Variants in DMC1 observed in about 807,000 individuals in gnomAD.
DMC1 encodes DNA meiotic recombinase 1.
In DMC1, 27 loss-of-function variants were observed where a neutral mutation model predicts 50.1. The ratio of observed to expected loss-of-function variants is 0.54; its 90% CI spans 0.40 to 0.74. DMC1 has a LOEUF of 0.74. Among genes scored for constraint, DMC1 ranks in the 30% least tolerant of loss-of-function variants. The pLI is 0.00. For missense variants in DMC1, 295 were observed against 420.2 expected (o/e 0.70, Z 2.60); for synonymous variants, 148 against 136.1 (o/e 1.09, Z -0.61).
At chr22:38,565,185 G>C (rs1386920178) in intron 4 of DMC1, among the ~76,000 whole-genome samples, 1 of 152,184 alleles carries the variant, frequency 6.6e-6, no homozygotes, top group African/African-American at 2.4e-5. Context: ...AAGGTATATA[G>C]GCTTTTGTCT....
chr22:38,509,362 T>C, the DMC1 span, among the ~76,000 whole-genome samples: 1 of 152,180 alleles, frequency 6.6e-6, no homozygotes. Flanking sequence ...CCCCGCTCCA[T>C]GTGTCCGTGT....
chr22:38,544,130 ACTACT>A (rs1360350029), intron 8 of DMC1, among the ~76,000 whole-genome samples: 2 of 152,288 alleles, frequency 1.3e-5, no homozygotes, highest in East Asian at 1.9e-4. Context: ...AAAAGTTCAA[ACTACT>A]CTATAGGAAA....
At chr22:38,554,171 C>A (rs1313850042) in intron 6 of DMC1, among the ~76,000 whole-genome samples, 1 of 151,780 alleles carries the variant, frequency 6.6e-6, no homozygotes, top group Non-Finnish European at 1.5e-5. Flanking sequence ...AAAGACCCCA[C>A]CACAGGAAAG....
chr22:38,523,633 G>T (rs1267366341), intron 12 of DMC1, among the ~76,000 whole-genome samples: 1 of 152,136 alleles, frequency 6.6e-6, no homozygotes, highest in Non-Finnish European at 1.5e-5. Flanking sequence ...CACACAGTGG[G>T]TGTTCAAAAT....
chr22:38,556,579 C>A (rs1280829160), intron 5 of DMC1, among the ~76,000 whole-genome samples: 2 of 152,128 alleles, frequency 1.3e-5, no homozygotes. Flanking sequence ...TGACAGCATA[C>A]ATTTAATTGG....
chr22:38,545,684 G>A (rs988918908), intron 8 of DMC1: 2 of 152,190 alleles, frequency 1.3e-5, no homozygotes, highest in Non-Finnish European at 2.9e-5. Flanking sequence ...GCCTCCCAAA[G>A]TGCTAGGATT....
chr22:38,539,527 G>A (rs1047528113), intron 8 of DMC1, 115 bp from the exon 9 acceptor site: 3 of 825,596 alleles, frequency 3.6e-6, no homozygotes, highest in Non-Finnish European at 6.1e-6. Flanking sequence ...ATGTACCTGT[G>A]AAGGTATTCT....
chr22:38,568,273 C>T lies in DMC1; in HGVS notation c.-17G>A, dbSNP rs772254335. 7 of 1,613,614 alleles carry T rather than the reference C, an allele frequency of 4.3e-6. No individual in the cohort carries two copies. The highest frequency in any genetic ancestry group is 2.2e-5 in the East Asian group (1 of 44,864). On this transcript the variant is annotated 5_prime_UTR_variant, in exon 2 of 14. Transcript: ENST00000216024. ...CTCCTTCATATTGAAAAGTGGGCAA[C>T]AGAAAAATAATCACTTCTGGGAAAA...
chr22:38,510,040 C>T, the DMC1 span, among the ~76,000 whole-genome samples: 1 of 152,152 alleles, frequency 6.6e-6, no homozygotes, highest in African/African-American at 2.4e-5. Flanking sequence ...TGATGAAACC[C>T]CGTCTCTCCT....
At chr22:38,530,252 C>T (rs951948873) in intron 12 of DMC1, among the ~76,000 whole-genome samples, 1 of 151,838 alleles carries the variant, frequency 6.6e-6, no homozygotes, top group African/African-American at 2.4e-5. Context: ...CAGTTGTGAG[C>T]CATGCCTGGC....
chr22:38,521,574 C>A (rs749431220), intron 13 of DMC1, 34 bp downstream of exon 13: 2 of 1,265,558 alleles, frequency 1.6e-6, no homozygotes, highest in South Asian at 2.4e-5. Context: ...CACACACACA[C>A]ACACACACAC....
At chr22:38,566,461 T>C (rs1602780787) in intron 4 of DMC1, 129 bp downstream of exon 4, 7 of 964,704 alleles carry the variant, frequency 7.3e-6, no homozygotes, top group East Asian at 2.6e-5. Flanking sequence ...AAAGTTAACA[T>C]GGGGAGTATA....
chr22:38,554,856 T>C (rs1397342112), intron 6 of DMC1, among the ~76,000 whole-genome samples: 3 of 151,572 alleles, frequency 2.0e-5, no homozygotes, highest in Non-Finnish European at 2.9e-5. Flanking sequence ...TCCCAGCACT[T>C]TGGAAGGCCG....
chr22:38,516,489 C>T (rs1467118458), downstream of DMC1, among the ~76,000 whole-genome samples: 1 of 152,162 alleles, frequency 6.6e-6, no homozygotes, highest in Non-Finnish European at 1.5e-5. Context: ...CAAATTGGTC[C>T]ACCCCCTCTC....
intron 4 of DMC1, among the ~76,000 whole-genome samples, chr22:38,564,516 G>GC (rs2090561571): frequency 6.6e-6 from 1 of 151,730 alleles, no homozygotes; most frequent in African/African-American, 2.4e-5. Flanking sequence ...CACTATGTTG[G>GC]CCACTATGTT....
chr22:38,544,908 A>G (rs2090327460), intron 8 of DMC1, among the ~76,000 whole-genome samples: 1 of 151,986 alleles, frequency 6.6e-6, no homozygotes. Context: ...CTGGGATTAC[A>G]GGCATGAGCC....
intron 12 of DMC1, among the ~76,000 whole-genome samples, chr22:38,531,128 G>A (rs752010534): frequency 5.3e-5 from 8 of 152,130 alleles, no homozygotes; most frequent in African/African-American, 9.7e-5. Context: ...AATGTTCTAC[G>A]GTGACTTTTT....
rs1003766620 is a variant in DMC1 at position 38,519,082 on chromosome 22, G to A, written c.*938C>T. 2.9e-5 allele frequency: 4 copies of A among 137,532 alleles called. No individual in the cohort carries two copies. The highest frequency in any genetic ancestry group is 1.1e-4 in the African/African-American group (4 of 36,252). 8.5% of individuals were successfully genotyped at this position (137,532 alleles called of 1,614,324 possible). ...AAAAAAGTTTTTTTTTTTTTTTTGA[G>A]ACGGAGTCTCACTCTGTCACCTAGG... On this transcript the variant is annotated 3_prime_UTR_variant, in exon 14 of 14. Transcript: ENST00000216024.
At chr22:38,568,508 C>T in intron 1 of DMC1, 1 of 538,354 alleles carries the variant, frequency 1.9e-6, no homozygotes, top group South Asian at 2.3e-5. Flanking sequence ...CACACAGATG[C>T]CTGAGGGGCA....
Sources: gnomAD v4.1 joint callset for allele counts (sites outside exome capture counted in the v4.1 genomes callset) on GRCh38, gnomAD v4.1.1 for gene constraint, MANE v1.5 for transcripts, NCBI Gene and HGNC (gene_info 2026-07-23, HGNC 2026-07-21) for gene names.